CADM2: variants seen among roughly 807,000 people sequenced by gnomAD.
The protein encoded by CADM2 is immunoglobulin superfamily member 4D.
Under a neutral mutation model 49.8 loss-of-function variants are expected in CADM2, and 12 were observed. The ratio of observed to expected loss-of-function variants is 0.24; its 90% CI spans 0.15 to 0.39. CADM2 has a LOEUF of 0.39. CADM2 is among the 10% of genes least tolerant of loss of function. The pLI is 1.00. For synonymous variants in CADM2, 214 were observed against 175.4 expected (o/e 1.22, Z -1.74); for missense variants, 378 against 492.3 (o/e 0.77, Z 2.20).
intron 6 of CADM2, among the ~76,000 whole-genome samples, chr3:85,917,484 G>T (rs996415889): frequency 1.7e-4 from 26 of 152,092 alleles, no homozygotes; most frequent in Admixed American, 1.7e-3. Context: ...TTGTAGATAT[G>T]CAGCATTATT....
chr3:85,058,986 T>C (rs2107436467), intron 1 of CADM2, among the ~76,000 whole-genome samples: 1 of 152,040 alleles, frequency 6.6e-6, no homozygotes, highest in Non-Finnish European at 1.5e-5. Context: ...CCTTAAGGTC[T>C]ATTCAAGAAT....
intron 2 of CADM2, among the ~76,000 whole-genome samples, chr3:85,728,885 G>T (rs1384027301): frequency 6.6e-6 from 1 of 152,136 alleles, no homozygotes; most frequent in Non-Finnish European, 1.5e-5. Context: ...AGAGTTCATT[G>T]AGAATCAGTC....
At chr3:85,495,823 C>T (rs866921869) in intron 1 of CADM2, among the ~76,000 whole-genome samples, 36 of 151,924 alleles carry the variant, frequency 2.4e-4, no homozygotes, top group African/African-American at 8.0e-4. Flanking sequence ...TTCATTACTG[C>T]AAAGACCGCA....
intron 1 of CADM2, among the ~76,000 whole-genome samples, chr3:85,280,080 G>A (rs1287644308): frequency 6.6e-6 from 1 of 151,298 alleles, no homozygotes; most frequent in African/African-American, 2.4e-5. Flanking sequence ...CTATTCTTTG[G>A]TATCATATCA....
chr3:85,284,052 A>G (rs1280011839), intron 1 of CADM2, among the ~76,000 whole-genome samples: 1 of 152,182 alleles, frequency 6.6e-6, no homozygotes, highest in Non-Finnish European at 1.5e-5. Flanking sequence ...ATTGAACTTT[A>G]TAGACTAAGA....
At chr3:85,846,172 T>C (rs1457455905) in intron 3 of CADM2, among the ~76,000 whole-genome samples, 1 of 152,204 alleles carries the variant, frequency 6.6e-6, no homozygotes, top group Non-Finnish European at 1.5e-5. Context: ...GTCATAAGAA[T>C]AGAAGGTTTT....
At chr3:86,038,261 T>C (rs1281395264) in intron 8 of CADM2, among the ~76,000 whole-genome samples, 1 of 152,204 alleles carries the variant, frequency 6.6e-6, no homozygotes, top group African/African-American at 2.4e-5. Flanking sequence ...TATCAGAAAT[T>C]TTTAGAGAAT....
At chr3:85,887,293 G>T (rs1713805426) in intron 5 of CADM2, among the ~76,000 whole-genome samples, 1 of 151,972 alleles carries the variant, frequency 6.6e-6, no homozygotes, top group Non-Finnish European at 1.5e-5. Context: ...GTGTTGCCTA[G>T]GCTGGTCTCG....
chr3:85,439,514 T>A (rs2037094924), intron 1 of CADM2, among the ~76,000 whole-genome samples: 10 of 152,172 alleles, frequency 6.6e-5, no homozygotes, highest in Admixed American at 6.6e-4. Context: ...ATTTATAAGT[T>A]GCAAACAAAT....
rs1296304438 is a variant in CADM2 at position 85,999,271 on chromosome 3, T to TGG, written c.970+37629_970+37630dup. ...CCCATCACTTTGGGAGGCCGAGGGT[T>TGG]GGGGGGTGGATCACTTGAGTTCAGG... is the stretch of plus-strand genomic sequence containing the variant. On this transcript the variant is annotated intron_variant, in intron 8 of 9. Coordinates refer to ENST00000383699, the MANE Select transcript of CADM2 (RefSeq NM_001167675.2). Among the ~76,000 whole-genome samples, 245 of 143,236 alleles carry TGG rather than the reference T, an allele frequency of 1.7e-3. 2 individuals are homozygous for TGG. The highest frequency in any genetic ancestry group is 2.4e-3 in the Admixed American group (34 of 14,198). The allele number at this position is 143,236 out of a possible 152,430, so 94.0% of individuals were successfully genotyped here. A position where few individuals can be genotyped will look rare whatever the true frequency, so the allele number is the denominator to read the frequency against.
chr3:85,504,575 C>T (rs1211571224), intron 1 of CADM2, among the ~76,000 whole-genome samples: 2 of 152,332 alleles, frequency 1.3e-5, no homozygotes, highest in East Asian at 3.9e-4. Context: ...CCAAGCTTCT[C>T]CATGTCCCCA....
chr3:85,911,787 G>A (rs1717623024), intron 5 of CADM2, among the ~76,000 whole-genome samples: 3 of 152,080 alleles, frequency 2.0e-5, no homozygotes, highest in African/African-American at 7.2e-5. Flanking sequence ...AAGATGATAT[G>A]CATTGTTTTA....
intron 1 of CADM2, among the ~76,000 whole-genome samples, chr3:85,440,319 A>G (rs1387052599): frequency 6.6e-6 from 1 of 152,130 alleles, no homozygotes; most frequent in Non-Finnish European, 1.5e-5. Context: ...TCAGCCTCTC[A>G]TTTCCCTTCA....
chr3:84,992,853 CA>C (rs1275562763), intron 1 of CADM2, among the ~76,000 whole-genome samples: 1 of 152,004 alleles, frequency 6.6e-6, no homozygotes, highest in Non-Finnish European at 1.5e-5. Flanking sequence ...GTCATGATAA[CA>C]GGGAGAATAT....
chr3:85,018,991 TA>T (rs1307440565), intron 1 of CADM2, among the ~76,000 whole-genome samples: 4 of 152,136 alleles, frequency 2.6e-5, no homozygotes, highest in Non-Finnish European at 5.9e-5. Flanking sequence ...GGAAGGTACA[TA>T]ACATAGTCAA....
At chr3:86,037,384 A>T (rs1448918914) in intron 8 of CADM2, among the ~76,000 whole-genome samples, 1 of 152,200 alleles carries the variant, frequency 6.6e-6, no homozygotes, top group Non-Finnish European at 1.5e-5. Context: ...AAATAATAAC[A>T]GTTTATCCAC....
At chr3:85,115,085 G>C (rs927773248) in intron 1 of CADM2, among the ~76,000 whole-genome samples, 1 of 152,080 alleles carries the variant, frequency 6.6e-6, no homozygotes, top group Non-Finnish European at 1.5e-5. Flanking sequence ...AAAGAAAGAA[G>C]AGCCAATGAT....
intron 1 of CADM2, among the ~76,000 whole-genome samples, chr3:85,535,862 CTGTAGA>C: frequency 6.6e-6 from 1 of 152,194 alleles, no homozygotes; most frequent in Admixed American, 6.5e-5. Context: ...CAGAGCAACC[CTGTAGA>C]TCAGGTAGCT....
chr3:85,292,341 G>A (rs2043823235), intron 1 of CADM2, among the ~76,000 whole-genome samples: 1 of 150,898 alleles, frequency 6.6e-6, no homozygotes, highest in South Asian at 2.1e-4. Context: ...TTAATAGTGG[G>A]AGACTTTAAC....
Sources: gnomAD v4.1 joint callset for allele counts (sites outside exome capture counted in the v4.1 genomes callset) on GRCh38, gnomAD v4.1.1 for gene constraint, MANE v1.5 for transcripts, NCBI Gene and HGNC (gene_info 2026-07-23, HGNC 2026-07-21) for gene names.